DIS3L2: variants seen among roughly 807,000 people sequenced by gnomAD.
DIS3L2 encodes DIS3-like exonuclease 2.
DIS3L2 carries 34 observed loss-of-function variants against 97.5 expected under a neutral mutation model. The observed-to-expected ratio is 0.35, with a 90% CI of 0.27 to 0.46. The LOEUF (loss-of-function observed/expected upper bound fraction) is 0.46. DIS3L2 is among the 20% of genes least tolerant of loss of function. The pLI is 1.00. For missense variants in DIS3L2, 1,038 were observed against 1,146.0 expected (o/e 0.91, Z 1.36); for synonymous variants, 435 against 445.2 (o/e 0.98, Z 0.29).
chr2:232,111,820 C>A (rs181237407), intron 6 of DIS3L2, among the ~76,000 whole-genome samples: 25 of 152,116 alleles, frequency 1.6e-4, no homozygotes, highest in Non-Finnish European at 4.4e-5. Flanking sequence ...CAAGGCAACA[C>A]TTATTCCTTA....
intron 5 of DIS3L2, among the ~76,000 whole-genome samples, chr2:232,066,870 C>T (rs1695869155): frequency 6.6e-6 from 1 of 151,904 alleles, no homozygotes; most frequent in Non-Finnish European, 1.5e-5. Context: ...TAATTTGTTT[C>T]ATTTAGGGGA....
chr2:232,199,907 A>G lies in DIS3L2; in HGVS notation c.1125-10419A>G, dbSNP rs541011141. Among the ~76,000 whole-genome samples the G allele has an allele frequency of 1.1e-4, 16 of 152,334 alleles. No homozygotes were observed. The South Asian group carries it at 3.3e-3, about 32-fold the overall frequency. On this transcript the variant is annotated intron_variant, in intron 9 of 20. Coordinates refer to ENST00000325385, the MANE Select transcript of DIS3L2 (RefSeq NM_152383.5). ...TAAAAGCAAAATTTCTAAAATTGAA[A>G]TCAAGCAAAAACAAATGGGCCTAAT...
intron 1 of DIS3L2, among the ~76,000 whole-genome samples, chr2:232,005,468 G>A (rs6745958): frequency 0.22 from 33,145 of 151,976 alleles, 5,982 homozygotes; most frequent in African/African-American, 0.5. Context: ...CTAGCCAGGC[G>A]CAGCCTATGG....
chr2:232,199,389 T>TA (rs2106205098), intron 9 of DIS3L2, among the ~76,000 whole-genome samples: 1 of 152,310 alleles, frequency 6.6e-6, no homozygotes, highest in South Asian at 2.1e-4. Flanking sequence ...GTAAAGGTGA[T>TA]TCCTAACAGG....
intron 8 of DIS3L2, among the ~76,000 whole-genome samples, chr2:232,155,761 C>T (rs544028559): frequency 2.0e-4 from 31 of 152,158 alleles, no homozygotes; most frequent in African/African-American, 5.8e-4. Flanking sequence ...GAGGCCGAGG[C>T]GGGCAGATCA....
chr2:232,251,878 A>G (rs1386637878), intron 12 of DIS3L2, among the ~76,000 whole-genome samples: 1 of 152,258 alleles, frequency 6.6e-6, no homozygotes, highest in Non-Finnish European at 1.5e-5. Flanking sequence ...AGGCTTCAAC[A>G]AAAATGTCCA....
chr2:231,981,590 TAAGTA>T (rs1693256590), intron 1 of DIS3L2, among the ~76,000 whole-genome samples: 1 of 109,042 alleles, frequency 9.2e-6, no homozygotes, highest in African/African-American at 3.4e-5. Flanking sequence ...GTTATACTGT[TAAGTA>T]TTTTATATAT....
chr2:232,233,674 T>C (rs1211612720), intron 10 of DIS3L2, among the ~76,000 whole-genome samples: 1 of 152,222 alleles, frequency 6.6e-6, no homozygotes, highest in East Asian at 1.9e-4. Context: ...AGGCCTTATC[T>C]CACTGCTGGT....
chr2:231,984,566 T>G (rs1156548771), intron 1 of DIS3L2, among the ~76,000 whole-genome samples: 4 of 151,652 alleles, frequency 2.6e-5, no homozygotes, highest in Non-Finnish European at 5.9e-5. Context: ...TTTTTTTTTT[T>G]GTATTTTTAG....
intron 12 of DIS3L2, among the ~76,000 whole-genome samples, chr2:232,257,467 G>A (rs115758229): frequency 0.024 from 3,667 of 152,062 alleles, 133 homozygotes; most frequent in African/African-American, 0.081. Flanking sequence ...CCCTGTTTTC[G>A]TAGCTCTAAG....
At chr2:232,239,249 C>G (rs1693015283) in intron 11 of DIS3L2, among the ~76,000 whole-genome samples, 1 of 152,228 alleles carries the variant, frequency 6.6e-6, no homozygotes, top group Non-Finnish European at 1.5e-5. Context: ...TGGACAGATT[C>G]ATCTCAAAAC....
intron 9 of DIS3L2, 26 bp from the exon 10 acceptor site, chr2:232,210,300 C>T (rs776388526): frequency 3.1e-6 from 5 of 1,592,910 alleles, no homozygotes; most frequent in Admixed American, 1.7e-5. Flanking sequence ...TGTGGCATTG[C>T]TAATTGTTTC....
Position 232,288,757 on chromosome 2 carries a change from G to GT in DIS3L2, c.1660-11282dup, listed in dbSNP as rs1338024810. On this transcript the variant is annotated intron_variant, in intron 13 of 20. Transcript: ENST00000325385. ...CATGAACTGAATGCCTACCATTATG[G>GT]TCATTGTTTCATCAGTCTGTGTTTA... is the stretch of plus-strand genomic sequence containing the variant. Among the ~76,000 whole-genome samples, 9 of 152,240 alleles carry GT rather than the reference G, an allele frequency of 5.9e-5. 1 individual carries two copies. In the Middle Eastern group the frequency reaches 0.017, roughly 288 times the overall value.
intron 11 of DIS3L2, among the ~76,000 whole-genome samples, chr2:232,242,101 T>C (rs1458700081): frequency 2.0e-5 from 3 of 152,246 alleles, no homozygotes; most frequent in Non-Finnish European, 4.4e-5. Flanking sequence ...TCAAACTGTG[T>C]AGCAAAGAGT....
chr2:232,209,665 T>C (rs920038658), intron 9 of DIS3L2, among the ~76,000 whole-genome samples: 9 of 152,000 alleles, frequency 5.9e-5, no homozygotes, highest in Admixed American at 3.9e-4. Context: ...GTTTACATGG[T>C]GGGAATGGGT....
intron 6 of DIS3L2, 125 bp from the exon 7 acceptor site, chr2:232,130,494 T>A (rs1376200336): frequency 6.0e-6 from 7 of 1,173,912 alleles, no homozygotes; most frequent in Non-Finnish European, 7.0e-6. Context: ...CTGGGGTTCT[T>A]CTGTAAAGTG....
chr2:232,285,346 A>G (rs958241686), intron 13 of DIS3L2, among the ~76,000 whole-genome samples: 4 of 152,162 alleles, frequency 2.6e-5, no homozygotes, highest in African/African-American at 9.7e-5. Context: ...CAAGCTTGAC[A>G]TTGCCTGGAG....
At chr2:232,027,856 C>T (rs1694702937) in intron 4 of DIS3L2, among the ~76,000 whole-genome samples, 1 of 152,082 alleles carries the variant, frequency 6.6e-6, no homozygotes, top group Non-Finnish European at 1.5e-5. Context: ...ATGTGACTTT[C>T]AAGCAAACCA....
At chr2:232,195,234 A>ATTTGT (rs1691720726) in intron 9 of DIS3L2, among the ~76,000 whole-genome samples, 3 of 152,294 alleles carry the variant, frequency 2.0e-5, no homozygotes, top group South Asian at 4.1e-4. Context: ...TACAGCTGAA[A>ATTTGT]TTTGTTTTGT....
Sources: gnomAD v4.1 joint callset for allele counts (sites outside exome capture counted in the v4.1 genomes callset) on GRCh38, gnomAD v4.1.1 for gene constraint, MANE v1.5 for transcripts, NCBI Gene and HGNC (gene_info 2026-07-23, HGNC 2026-07-21) for gene names.